DYNC1I1: variants seen among roughly 807,000 people sequenced by gnomAD.
DYNC1I1 encodes the protein dynein cytoplasmic 1 intermediate chain 1, also known as cytoplasmic dynein 1 intermediate chain 1.
DYNC1I1 carries 43 observed loss-of-function variants against 86.6 expected under a neutral mutation model. That is an observed-to-expected ratio of 0.50 (90% CI 0.39 to 0.64). The LOEUF is 0.64. Among genes scored for constraint, DYNC1I1 ranks in the 30% least tolerant of loss-of-function variants. The probability of loss-of-function intolerance (pLI) is 0.00; values close to 1 mark genes in which losing one functional copy is unlikely to be tolerated. For missense variants in DYNC1I1, 604 were observed against 788.8 expected, an observed-to-expected ratio of 0.77 and a Z score of 2.81; for synonymous variants, 262 against 283.7, an observed-to-expected ratio of 0.92 and a Z score of 0.77.
chr7:95,845,536 G>C (rs1339000456), intron 5 of DYNC1I1, among the ~76,000 whole-genome samples: 1 of 152,150 alleles, frequency 6.6e-6, no homozygotes, highest in Non-Finnish European at 1.5e-5. Context: ...TTCAAGGTTT[G>C]TCATGTAACA....
At chr7:95,818,755 A>G in intron 4 of DYNC1I1, 1 of 407,498 alleles carries the variant, frequency 2.5e-6, no homozygotes, top group Non-Finnish European at 4.3e-6. Context: ...CCACCAGAGT[A>G]GCACTCTTAG....
chr7:95,871,280 C>G (rs13245955), intron 6 of DYNC1I1, among the ~76,000 whole-genome samples: 14,782 of 152,196 alleles, frequency 0.097, 1,522 homozygotes, highest in East Asian at 0.32. Flanking sequence ...GCACCCTCTG[C>G]TGGTGAGCTT....
chr7:95,887,103 G>T (rs190019691), intron 6 of DYNC1I1, among the ~76,000 whole-genome samples: 2 of 152,132 alleles, frequency 1.3e-5, no homozygotes, highest in African/African-American at 2.4e-5. Context: ...CTACAGTTCC[G>T]TCTCTATGCT....
In DYNC1I1 at chr7:95,936,956, TCACA is replaced by T. The variant is rs57989893; in HGVS notation, c.491-40525_491-40522del. Among the ~76,000 whole-genome samples the T allele has an allele frequency of 3.5e-3, 475 of 134,286 alleles. 3 individuals carry two copies. The highest frequency in any genetic ancestry group is 8.6e-3 in the East Asian group (41 of 4,752). 88.1% of individuals were successfully genotyped at this position (134,286 alleles called of 152,430 possible). A position where few individuals can be genotyped will look rare whatever the true frequency, so the allele number is the denominator to read the frequency against. Reference sequence around the variant, plus strand: ...CAAAGGAATGGATAAAGAATATGTCTCACACACACACACACACACACACACACAC... The same window carrying T: ...CAAAGGAATGGATAAAGAATATGTCTCACACACACACACACACACACACAC... On this transcript the variant is annotated intron_variant, in intron 6 of 16. Coordinates refer to ENST00000447467, the MANE Select transcript of DYNC1I1 (RefSeq NM_001135556.2).
At chr7:95,782,740 T>A (rs1186563732) in intron 1 of DYNC1I1, among the ~76,000 whole-genome samples, 1 of 152,158 alleles carries the variant, frequency 6.6e-6, no homozygotes, top group East Asian at 1.9e-4. Context: ...CACATGGACT[T>A]GAAGGATGGT....
intron 14 of DYNC1I1, among the ~76,000 whole-genome samples, chr7:96,039,787 C>G (rs1184175980): frequency 6.6e-6 from 1 of 151,890 alleles, no homozygotes; most frequent in Non-Finnish European, 1.5e-5. Context: ...TGTTCTGGAG[C>G]TTGGTGGTAT....
chr7:95,781,107 T>C (rs1206594610), intron 1 of DYNC1I1, among the ~76,000 whole-genome samples: 1 of 145,612 alleles, frequency 6.9e-6, no homozygotes, highest in African/African-American at 2.5e-5. Flanking sequence ...TCCTCCCTCT[T>C]TGAATGCCTT....
chr7:95,862,287 T>A (rs1369259761), intron 5 of DYNC1I1, among the ~76,000 whole-genome samples: 2 of 152,098 alleles, frequency 1.3e-5, no homozygotes, highest in African/African-American at 2.4e-5. Flanking sequence ...ATGAAAATAT[T>A]TGCAAGTCAT....
intron 6 of DYNC1I1, among the ~76,000 whole-genome samples, chr7:95,962,891 C>G (rs1792909603): frequency 6.6e-6 from 1 of 152,166 alleles, no homozygotes; most frequent in Admixed American, 6.5e-5. Context: ...TTAGAACCCT[C>G]TTTTGACATC....
chr7:95,955,289 C>T (rs933618824), intron 6 of DYNC1I1, among the ~76,000 whole-genome samples: 2 of 151,820 alleles, frequency 1.3e-5, no homozygotes, highest in Non-Finnish European at 1.5e-5. Context: ...ATTTTTAAAA[C>T]AATTTGCAAC....
intron 10 of DYNC1I1, among the ~76,000 whole-genome samples, chr7:96,013,429 CTAAG>C (rs1794326117): frequency 6.6e-6 from 1 of 152,052 alleles, no homozygotes; most frequent in South Asian, 2.1e-4. Context: ...TTTTAAGCCA[CTAAG>C]TGTGTCATAA....
At position 96,035,704 on chromosome 7, in the gene DYNC1I1, T is replaced by C; in HGVS notation, c.1316T>C (p.Val439Ala). 1 of 1,611,976 alleles carries C rather than the reference T, an allele frequency of 6.2e-7. No homozygotes were observed. The highest frequency in any genetic ancestry group is 1.7e-5 in the Admixed American group (1 of 59,664). Residue 439 changes from valine (V) to alanine (A), a missense_variant, in exon 13 of 17, where the codon GTG becomes GCG. By Grantham distance (64) the Val-to-Ala change is moderately conservative. Coordinates refer to ENST00000447467, the MANE Select transcript of DYNC1I1 (RefSeq NM_001135556.2). ...CCAACGGGAGACGTCAATAACTTCG[T>C]GGTTGGCAGTGAGGAAGGTACAGTC... ...AFPTGDVNNF[V>A]VGSEEGTVYT...
At chr7:95,961,872 C>T (rs1475740797) in intron 6 of DYNC1I1, among the ~76,000 whole-genome samples, 1 of 152,182 alleles carries the variant, frequency 6.6e-6, no homozygotes, top group Non-Finnish European at 1.5e-5. Context: ...TTCCATGCTT[C>T]CATCTAGCTT....
At chr7:95,899,709 C>T (rs996246795) in intron 6 of DYNC1I1, among the ~76,000 whole-genome samples, 1 of 152,138 alleles carries the variant, frequency 6.6e-6, no homozygotes, top group East Asian at 1.9e-4. Context: ...GTGTTAGAAA[C>T]CACCACTTTC....
chr7:96,097,409 A>C, intron 16 of DYNC1I1, 74 bp from the exon 17 acceptor site: 1 of 1,537,348 alleles, frequency 6.5e-7, no homozygotes, highest in Non-Finnish European at 8.9e-7. Context: ...GCAAAGGGAC[A>C]GTCATTCAGG....
chr7:96,025,824 A>ATTT (rs1201605621), intron 10 of DYNC1I1, among the ~76,000 whole-genome samples: 2 of 139,164 alleles, frequency 1.4e-5, no homozygotes, highest in Non-Finnish European at 3.1e-5. Context: ...TAGTCTCAAC[A>ATTT]AACAGTACAA....
At chr7:96,056,885 T>C (rs1789594250) in intron 14 of DYNC1I1, among the ~76,000 whole-genome samples, 1 of 152,136 alleles carries the variant, frequency 6.6e-6, no homozygotes, top group Admixed American at 6.6e-5. Flanking sequence ...AAATACGGGA[T>C]TGGTTTTTAA....
intron 6 of DYNC1I1, among the ~76,000 whole-genome samples, chr7:95,954,020 G>A (rs376629893): frequency 4.0e-4 from 61 of 152,122 alleles, no homozygotes; most frequent in African/African-American, 1.2e-3. Flanking sequence ...CTCTCCGGTC[G>A]TCATTCACTG....
intron 5 of DYNC1I1, among the ~76,000 whole-genome samples, chr7:95,832,686 T>A (rs998717224): frequency 6.6e-6 from 1 of 152,068 alleles, no homozygotes; most frequent in Non-Finnish European, 1.5e-5. Flanking sequence ...TGGTATCTCA[T>A]TGTGGTTTTG....
Sources: gnomAD v4.1 joint callset for allele counts (sites outside exome capture counted in the v4.1 genomes callset) on GRCh38, gnomAD v4.1.1 for gene constraint, MANE v1.5 for transcripts, NCBI Gene and HGNC (gene_info 2026-07-23, HGNC 2026-07-21) for gene names.